POU6F2: variants seen among roughly 807,000 people sequenced by gnomAD.
The protein encoded by POU6F2 is POU class 6 homeobox 2, also known as POU domain, class 6, transcription factor 2.
POU6F2 carries 31 observed loss-of-function variants against 71.3 expected under a neutral mutation model. The ratio of observed to expected loss-of-function variants is 0.43; its 90% CI spans 0.33 to 0.59. POU6F2 has a LOEUF of 0.59. Ranked by LOEUF, POU6F2 falls within the 20% of genes least tolerant of loss-of-function variation. The pLI is 0.04. For synonymous variants in POU6F2, 347 were observed against 355.7 expected (o/e 0.98, Z 0.27); for missense variants, 783 against 856.8 (o/e 0.91, Z 1.07).
Position 39,467,274 on chromosome 7 carries a change from G to T in POU6F2, c.*2588G>T, listed in dbSNP as rs1583627533. 1 of 152,006 alleles carries T rather than the reference G, an allele frequency of 6.6e-6. No individual in the cohort carries two copies. The highest frequency in any genetic ancestry group is 1.5e-5 in the Non-Finnish European group (1 of 68,002). 9.4% of individuals were successfully genotyped at this position (152,006 alleles called of 1,614,324 possible). ...TTACAGATAAATTTTTTGCTACAAGGCATAAAAAGGTGCCTGAACCGATTC... is the reference window on the plus strand; with the variant it reads ...TTACAGATAAATTTTTTGCTACAAGTCATAAAAAGGTGCCTGAACCGATTC... On this transcript the variant is annotated 3_prime_UTR_variant, in exon 10 of 10. Transcript: ENST00000518318.
intron 2 of POU6F2, among the ~76,000 whole-genome samples, chr7:39,098,173 G>C (rs999608013): frequency 6.6e-6 from 1 of 151,810 alleles, no homozygotes; most frequent in East Asian, 1.9e-4. Context: ...ATTCTTGTTT[G>C]TCTTATATAT....
Position 39,096,233 on chromosome 7 carries a change from ATTGT to A in POU6F2, c.277+10207_277+10210del, listed in dbSNP as rs576110672. ...CATAAAAGTGTGGCATGTAAAGTAA[ATTGT>A]TTGTCACTTGCCGACGACCTGCCAT... On this transcript the variant is annotated intron_variant, in intron 2 of 9. Coordinates refer to ENST00000518318, the MANE Select transcript of POU6F2 (RefSeq NM_001370959.1). 3.4e-4 allele frequency among the ~76,000 whole-genome samples: 52 copies of A among 152,306 alleles called. No homozygotes were observed. In the East Asian group the frequency reaches 5.6e-3, roughly 16 times the overall value.
At chr7:39,264,788 ATG>A (rs1204444399) in intron 4 of POU6F2, among the ~76,000 whole-genome samples, 1 of 152,218 alleles carries the variant, frequency 6.6e-6, no homozygotes, top group African/African-American at 2.4e-5. Context: ...ACATACATAT[ATG>A]TGTGTACAGA....
At chr7:39,040,902 C>T (rs1790179619) in intron 1 of POU6F2, among the ~76,000 whole-genome samples, 1 of 151,904 alleles carries the variant, frequency 6.6e-6, no homozygotes, top group Non-Finnish European at 1.5e-5. Context: ...TACACTTTCG[C>T]ATACTTACAT....
At chr7:39,331,928 CTGTT>C (rs1201631029) in intron 4 of POU6F2, among the ~76,000 whole-genome samples, 4 of 152,126 alleles carry the variant, frequency 2.6e-5, no homozygotes, top group East Asian at 1.9e-4. Context: ...GTTTCTTATG[CTGTT>C]TGTTTGTTTT....
In POU6F2 at chr7:39,460,579, G is replaced by C. The variant is rs375867583; in HGVS notation, c.1522G>C (p.Val508Leu). Residue 508 changes from valine to leucine, a missense_variant, in exon 9 of 10, where the codon GTT (valine) becomes CTT (leucine). Physicochemically the swap from Val to Leu is conservative, Grantham distance 32 (BLOSUM62 1). Around this residue, in one of 2 missense-constraint regions of POU6F2, gnomAD observed 211 missense variants for 283.9 expected, o/e 0.74. Coordinates refer to ENST00000518318, the MANE Select transcript of POU6F2 (RefSeq NM_001370959.1). This position sits in a 1 kb window ranked among gnomAD's most constrained non-coding sequence, Gnocchi z 4.4. ...PQTAAGEVDG[V>L]NLEEIREFAK... ...AACGGCAGCGGGTGAGGTGGATGGG[G>C]TTAATCTGGAGGAGATCCGAGAATT... 6.2e-7 allele frequency: 1 copy of C among 1,613,512 alleles called. No individual in the cohort carries two copies. Among genetic ancestry groups the C allele is most frequent in the African/African-American group, 1.3e-5 (1 of 74,918 alleles).
chr7:39,309,135 G>T (rs977768778), intron 4 of POU6F2, among the ~76,000 whole-genome samples: 2 of 152,210 alleles, frequency 1.3e-5, no homozygotes, highest in African/African-American at 2.4e-5. Context: ...ATCAGAACGA[G>T]GGGGAGGGAG....
chr7:39,156,357 T>C (rs1480800401), intron 2 of POU6F2, among the ~76,000 whole-genome samples: 1 of 152,226 alleles, frequency 6.6e-6, no homozygotes, highest in African/African-American at 2.4e-5. Flanking sequence ...TCAGTAGATA[T>C]TTTGCAATTT....
chr7:39,002,695 A>G (rs1166895978), intron 1 of POU6F2, among the ~76,000 whole-genome samples: 1 of 152,196 alleles, frequency 6.6e-6, no homozygotes, highest in African/African-American at 2.4e-5. Context: ...AGAGCAATAA[A>G]CTGATTACTG....
intron 7 of POU6F2, among the ~76,000 whole-genome samples, chr7:39,448,511 A>G (rs1788577690): frequency 6.6e-6 from 1 of 152,220 alleles, no homozygotes; most frequent in Non-Finnish European, 1.5e-5. Context: ...ATTCTTAGAC[A>G]TCTTAGATTC....
chr7:39,187,794 C>G (rs1562738723), intron 2 of POU6F2, among the ~76,000 whole-genome samples: 1 of 152,194 alleles, frequency 6.6e-6, no homozygotes, highest in Non-Finnish European at 1.5e-5. Flanking sequence ...TTTCGGAACA[C>G]CGGATACAAG....
At chr7:39,459,847 T>C (rs1371584588) in intron 8 of POU6F2, among the ~76,000 whole-genome samples, 4 of 152,160 alleles carry the variant, frequency 2.6e-5, no homozygotes, top group African/African-American at 9.7e-5. Context: ...AAGTCCTAAA[T>C]TGACCGCGTT....
chr7:39,029,011 A>G (rs770693442), intron 1 of POU6F2, among the ~76,000 whole-genome samples: 3 of 152,028 alleles, frequency 2.0e-5, no homozygotes, highest in Non-Finnish European at 2.9e-5. Flanking sequence ...ATAAATGTGT[A>G]GAGTCTCACT....
intron 6 of POU6F2, among the ~76,000 whole-genome samples, chr7:39,418,957 A>G (rs371739579): frequency 2.9e-3 from 226 of 77,260 alleles, no homozygotes; most frequent in African/African-American, 0.013. Flanking sequence ...GTATATATGT[A>G]TATATATGTG....
chr7:39,403,659 C>G (rs1232097616), intron 5 of POU6F2, among the ~76,000 whole-genome samples: 7 of 152,164 alleles, frequency 4.6e-5, no homozygotes, highest in Non-Finnish European at 4.4e-5. Context: ...AGGAGCAGTG[C>G]TAACATGATA....
chr7:39,025,114 G>A (rs1002893974), intron 1 of POU6F2, among the ~76,000 whole-genome samples: 10 of 152,078 alleles, frequency 6.6e-5, no homozygotes, highest in Non-Finnish European at 1.2e-4. Flanking sequence ...GGTAGAATTT[G>A]GCTGTGAATC....
intron 2 of POU6F2, among the ~76,000 whole-genome samples, chr7:39,096,273 AG>A (rs1791453195): frequency 6.6e-6 from 1 of 152,192 alleles, no homozygotes; most frequent in Non-Finnish European, 1.5e-5. Flanking sequence ...ATTTATTGTC[AG>A]GAGAAATGGA....
At chr7:39,020,223 T>A (rs1789653348) in intron 1 of POU6F2, among the ~76,000 whole-genome samples, 1 of 152,182 alleles carries the variant, frequency 6.6e-6, no homozygotes, top group Admixed American at 6.6e-5. Flanking sequence ...CAGGCCCTGA[T>A]AAAATAATGT....
At chr7:39,165,166 G>A (rs113046139) in intron 2 of POU6F2, among the ~76,000 whole-genome samples, 4 of 152,142 alleles carry the variant, frequency 2.6e-5, no homozygotes, top group Non-Finnish European at 5.9e-5. Flanking sequence ...ATAATCTAAT[G>A]CCCTTGATTA....
Sources: allele counts gnomAD v4.1 joint callset (sites outside exome capture counted in the v4.1 genomes callset), GRCh38; gene constraint gnomAD v4.1.1; regional missense constraint gnomAD v4.1.1; non-coding constraint Gnocchi (gnomAD v3.1); transcripts MANE v1.5; gene names NCBI Gene and HGNC (gene_info 2026-07-23, HGNC 2026-07-21).